RAB38: variants seen among roughly 807,000 people sequenced by gnomAD.
RAB38 encodes RAB38, member RAS oncogene family.
In RAB38, 15 loss-of-function variants were observed where a neutral mutation model predicts 18.4. The observed-to-expected ratio is 0.82, with a 90% confidence interval of 0.55 to 1.26. The LOEUF (loss-of-function observed/expected upper bound fraction) is 1.26. Ranked by LOEUF, RAB38 falls within the 50% of genes most tolerant of loss-of-function variation. RAB38 has a pLI of 0.00. For missense variants in RAB38, 294 were observed against 267.4 expected (o/e 1.10, Z -0.69); for synonymous variants, 101 against 104.4 (o/e 0.97, Z 0.20).
the RAB38 span, chr11:87,879,460 A>T: frequency 6.6e-6 from 1 of 151,634 alleles, no homozygotes; most frequent in Admixed American, 6.6e-5. Context: ...AAAAATATTT[A>T]AAAAGGCAAG....
the RAB38 span, among the ~76,000 whole-genome samples, chr11:87,898,894 A>G: frequency 6.6e-6 from 1 of 151,650 alleles, no homozygotes; most frequent in African/African-American, 2.4e-5. Flanking sequence ...GGAAGGACCA[A>G]GATGCCTGTT....
the RAB38 span, among the ~76,000 whole-genome samples, chr11:87,977,393 A>ATAT: frequency 4.5e-5 from 2 of 44,248 alleles, no homozygotes; most frequent in Non-Finnish European, 8.3e-5. Flanking sequence ...ATATAATTAT[A>ATAT]TATATAATTA....
At chr11:88,043,455 C>T in the RAB38 span, among the ~76,000 whole-genome samples, 3 of 152,062 alleles carry the variant, frequency 2.0e-5, no homozygotes, top group Admixed American at 6.5e-5. Flanking sequence ...GTGACCTGCA[C>T]GTATACATCC....
At chr11:88,116,672 G>A (rs1942557776) in intron 2 of RAB38, among the ~76,000 whole-genome samples, 1 of 152,170 alleles carries the variant, frequency 6.6e-6, no homozygotes, top group Non-Finnish European at 1.5e-5. Context: ...GTTAGACCCA[G>A]TTAGTGTTAA....
the RAB38 span, among the ~76,000 whole-genome samples, chr11:87,921,978 G>A: frequency 1.3e-5 from 2 of 151,956 alleles, no homozygotes; most frequent in South Asian, 2.1e-4. Flanking sequence ...AAAATGGTAG[G>A]CAGGTAGACA....
At chr11:87,812,754 C>T in the RAB38 span, among the ~76,000 whole-genome samples, 8 of 152,270 alleles carry the variant, frequency 5.3e-5, no homozygotes, top group African/African-American at 1.7e-4. Flanking sequence ...TGAATCCTCA[C>T]GTCAGTAATT....
chr11:88,074,329 C>T, the RAB38 span, among the ~76,000 whole-genome samples: 1 of 152,064 alleles, frequency 6.6e-6, no homozygotes, highest in South Asian at 2.1e-4. Context: ...ACAACAATAG[C>T]TACAGCAGCT....
chr11:87,853,329 C>A, the RAB38 span, among the ~76,000 whole-genome samples: 1 of 152,058 alleles, frequency 6.6e-6, no homozygotes, highest in Non-Finnish European at 1.5e-5. Context: ...GAGGGTGAGG[C>A]CTCCATGTTA....
chr11:87,839,891 C>G, the RAB38 span, among the ~76,000 whole-genome samples: 2 of 152,144 alleles, frequency 1.3e-5, no homozygotes, highest in African/African-American at 4.8e-5. Context: ...AAAGAGAAAT[C>G]TTTGTCCTGC....
the RAB38 span, among the ~76,000 whole-genome samples, chr11:87,974,247 A>T: frequency 4.6e-5 from 7 of 151,898 alleles, no homozygotes; most frequent in Non-Finnish European, 1.0e-4. Context: ...CTACAATGAG[A>T]GAACATATGG....
chr11:88,010,861 C>G, the RAB38 span, among the ~76,000 whole-genome samples: 1 of 152,100 alleles, frequency 6.6e-6, no homozygotes, highest in Non-Finnish European at 1.5e-5. Context: ...TTCATGCAAG[C>G]TCCCAACCTT....
At chr11:87,977,863 T>A in the RAB38 span, among the ~76,000 whole-genome samples, 6 of 111,984 alleles carry the variant, frequency 5.4e-5, no homozygotes, top group African/African-American at 1.8e-4. Context: ...AGTAATATAC[T>A]TACAAATATA....
chr11:87,910,820 A>G, the RAB38 span, among the ~76,000 whole-genome samples: 1 of 151,686 alleles, frequency 6.6e-6, no homozygotes, highest in Admixed American at 6.6e-5. Flanking sequence ...TATTTTTAGT[A>G]GAGACGGGGT....
At chr11:87,817,989 A>T in the RAB38 span, among the ~76,000 whole-genome samples, 1 of 152,214 alleles carries the variant, frequency 6.6e-6, no homozygotes, top group East Asian at 1.9e-4. Context: ...TGGTTCTAAA[A>T]GCATCCCTTG....
At chr11:88,042,982 T>C in the RAB38 span, among the ~76,000 whole-genome samples, 2 of 152,096 alleles carry the variant, frequency 1.3e-5, no homozygotes, top group Non-Finnish European at 2.9e-5. Flanking sequence ...ACCCCTAATA[T>C]ATGCATTTTT....
the RAB38 span, among the ~76,000 whole-genome samples, chr11:87,907,580 GTTCT>G: frequency 6.6e-6 from 1 of 150,914 alleles, no homozygotes; most frequent in Non-Finnish European, 1.5e-5. Flanking sequence ...TACTTTTTCT[GTTCT>G]TTCTTTCCTA....
intron 2 of RAB38, among the ~76,000 whole-genome samples, chr11:88,120,485 G>A (rs151295718): frequency 1.3e-5 from 2 of 152,316 alleles, no homozygotes; most frequent in African/African-American, 4.8e-5. Flanking sequence ...GAGAAGCCAG[G>A]TCTCAGTGAT....
chr11:88,151,004 C>G (rs1390315207), intron 1 of RAB38, among the ~76,000 whole-genome samples: 1 of 152,094 alleles, frequency 6.6e-6, no homozygotes, highest in African/African-American at 2.4e-5. Flanking sequence ...GAAAAGCTCT[C>G]CTACAGCAAA....
At chr11:87,939,116 T>G in the RAB38 span, among the ~76,000 whole-genome samples, 2 of 152,254 alleles carry the variant, frequency 1.3e-5, no homozygotes, top group Admixed American at 1.3e-4. Context: ...CAAACCTAGC[T>G]TAAAATGTAT....
Sources: allele counts gnomAD v4.1 joint callset (sites outside exome capture counted in the v4.1 genomes callset), GRCh38; gene constraint gnomAD v4.1.1; transcripts MANE v1.5; gene names NCBI Gene and HGNC (gene_info 2026-07-23, HGNC 2026-07-21).